AUTS2: variants seen among roughly 807,000 people sequenced by gnomAD.
AUTS2 encodes activator of transcription and developmental regulator AUTS2.
In AUTS2, 17 loss-of-function variants were observed where a neutral mutation model predicts 112.4. The ratio of observed to expected loss-of-function variants is 0.15; its 90% CI spans 0.10 to 0.23. The LOEUF is 0.23. Ranked by LOEUF, AUTS2 falls within the 10% of genes least tolerant of loss-of-function variation. The probability of loss-of-function intolerance (pLI) is 1.00; values close to 1 mark genes in which losing one functional copy is unlikely to be tolerated. For missense variants in AUTS2, 1,510 were observed against 1,701.6 expected (o/e 0.89, Z 1.98); for synonymous variants, 751 against 702.7 (o/e 1.07, Z -1.09).
intron 2 of AUTS2, among the ~76,000 whole-genome samples, chr7:70,001,509 AG>A: frequency 6.6e-6 from 1 of 152,120 alleles, no homozygotes; most frequent in Non-Finnish European, 1.5e-5. Context: ...TGAGTGATAC[AG>A]AATGCAGGAT....
chr7:69,623,318 G>A (rs1266901276), intron 1 of AUTS2, among the ~76,000 whole-genome samples: 1 of 151,042 alleles, frequency 6.6e-6, no homozygotes, highest in African/African-American at 2.4e-5. Context: ...AAACTCCTGG[G>A]CTCAAGCAGT....
chr7:70,178,839 A>C (rs1215244652), intron 4 of AUTS2, among the ~76,000 whole-genome samples: 1 of 152,122 alleles, frequency 6.6e-6, no homozygotes, highest in East Asian at 1.9e-4. Context: ...AGTCTTAATG[A>C]ATCTCCATTG....
intron 1 of AUTS2, among the ~76,000 whole-genome samples, chr7:69,756,190 A>T (rs1562861649): frequency 6.6e-6 from 1 of 152,224 alleles, no homozygotes; most frequent in Non-Finnish European, 1.5e-5. Context: ...TGGAGAAGGA[A>T]GTGACAGTCA....
chr7:70,709,180 G>A lies in AUTS2; in HGVS notation c.742+10560G>A, dbSNP rs1002437144. On this transcript the variant is annotated intron_variant, in intron 6 of 18. Transcript: ENST00000342771. ...GATCCGCTCACCTCGGCCTCCCAAA[G>A]CACTGGGATTACAGGCGTGAGCCAC... Among the ~76,000 whole-genome samples the A allele has an allele frequency of 7.2e-5, 11 of 151,944 alleles. No individual in the cohort carries two copies. The East Asian group carries it at 1.8e-3, about 25-fold the overall frequency.
chr7:70,740,925 C>A (rs530838044), intron 6 of AUTS2, among the ~76,000 whole-genome samples: 1 of 151,946 alleles, frequency 6.6e-6, no homozygotes, highest in African/African-American at 2.4e-5. Flanking sequence ...AAAACCCCAT[C>A]TCTACTAAAA....
At chr7:69,773,414 G>A (rs551363275) in intron 1 of AUTS2, among the ~76,000 whole-genome samples, 2 of 150,696 alleles carry the variant, frequency 1.3e-5, no homozygotes, top group Non-Finnish European at 2.9e-5. Flanking sequence ...TCTCATACAC[G>A]GTGCTACAAA....
chr7:69,836,855 A>G (rs1791750067), intron 1 of AUTS2, among the ~76,000 whole-genome samples: 1 of 152,148 alleles, frequency 6.6e-6, no homozygotes. Flanking sequence ...GAAGTTGGAA[A>G]CTTTAGGATG....
chr7:70,313,897 G>T (rs893149660), intron 4 of AUTS2, among the ~76,000 whole-genome samples: 3 of 152,298 alleles, frequency 2.0e-5, no homozygotes, highest in African/African-American at 4.8e-5. Context: ...CCCAGCAGAG[G>T]GGTAACGCTC....
chr7:69,647,936 C>T (rs1045287699), intron 1 of AUTS2, among the ~76,000 whole-genome samples: 1 of 152,132 alleles, frequency 6.6e-6, no homozygotes, highest in Non-Finnish European at 1.5e-5. Context: ...TCTTAGTGTT[C>T]TCCTTGTGTC....
chr7:69,752,587 T>C (rs1466517848), intron 1 of AUTS2, among the ~76,000 whole-genome samples: 1 of 152,176 alleles, frequency 6.6e-6, no homozygotes, highest in Non-Finnish European at 1.5e-5. Flanking sequence ...GCGACTTATT[T>C]TGATCAGGAT....
intron 2 of AUTS2, among the ~76,000 whole-genome samples, chr7:70,064,970 A>G (rs1415680869): frequency 6.6e-6 from 1 of 152,176 alleles, no homozygotes; most frequent in Non-Finnish European, 1.5e-5. Flanking sequence ...ATGCCCAGAG[A>G]CAATAGTAGG....
chr7:70,044,849 A>G (rs982047027), intron 2 of AUTS2, among the ~76,000 whole-genome samples: 19 of 152,140 alleles, frequency 1.2e-4, no homozygotes, highest in African/African-American at 2.4e-5. Flanking sequence ...GTAGACAACT[A>G]TGTCAAGAGA....
chr7:69,927,790 C>T (rs1466673615), intron 2 of AUTS2, among the ~76,000 whole-genome samples: 6 of 152,222 alleles, frequency 3.9e-5, no homozygotes, highest in Non-Finnish European at 7.3e-5. Context: ...ACCAGATGTA[C>T]CACAAGTGGC....
intron 1 of AUTS2, among the ~76,000 whole-genome samples, chr7:69,607,597 A>T (rs1171953137): frequency 6.6e-6 from 1 of 152,162 alleles, no homozygotes; most frequent in Non-Finnish European, 1.5e-5. Flanking sequence ...TCTGAATTCT[A>T]GTTAGTTTGT....
intron 1 of AUTS2, among the ~76,000 whole-genome samples, chr7:69,775,080 T>G (rs976529457): frequency 6.6e-6 from 1 of 152,154 alleles, no homozygotes; most frequent in Non-Finnish European, 1.5e-5. Context: ...TTTTATTGGG[T>G]AGTGTTGTGA....
At chr7:69,757,755 CTT>C (rs1788000077) in intron 1 of AUTS2, among the ~76,000 whole-genome samples, 1 of 152,130 alleles carries the variant, frequency 6.6e-6, no homozygotes, top group East Asian at 1.9e-4. Context: ...AGTTTCAACA[CTT>C]TTAATACAAA....
At chr7:69,995,122 C>A (rs1798889816) in intron 2 of AUTS2, among the ~76,000 whole-genome samples, 1 of 152,136 alleles carries the variant, frequency 6.6e-6, no homozygotes, top group East Asian at 1.9e-4. Context: ...GCTTTAGAGC[C>A]ACCACTGATG....
chr7:69,936,753 G>T (rs1796429658), intron 2 of AUTS2, among the ~76,000 whole-genome samples: 1 of 152,170 alleles, frequency 6.6e-6, no homozygotes, highest in South Asian at 2.1e-4. Context: ...ACAATCCATA[G>T]AGTTGACATC....
At chr7:70,299,459 C>A (rs1332711247) in intron 4 of AUTS2, among the ~76,000 whole-genome samples, 2 of 152,328 alleles carry the variant, frequency 1.3e-5, no homozygotes, top group East Asian at 1.9e-4. Context: ...TCTCTCTATT[C>A]CCCACACTTA....
Sources: allele counts gnomAD v4.1 joint callset (sites outside exome capture counted in the v4.1 genomes callset), GRCh38; gene constraint gnomAD v4.1.1; transcripts MANE v1.5; gene names NCBI Gene and HGNC (gene_info 2026-07-23, HGNC 2026-07-21).